PUM1: variants seen among roughly 807,000 people sequenced by gnomAD.
The protein encoded by PUM1 is pumilio RNA binding family member 1, also known as pumilio homolog 1.
Under a neutral mutation model 131.8 loss-of-function variants are expected in PUM1, and 13 were observed. The ratio of observed to expected loss-of-function variants is 0.10; its 90% CI spans 0.06 to 0.16. The LOEUF is 0.16. PUM1 is among the 10% of genes least tolerant of loss of function. The probability of loss-of-function intolerance (pLI) is 1.00; values close to 1 mark genes in which losing one functional copy is unlikely to be tolerated. For missense variants in PUM1, 961 were observed against 1,512.4 expected, an observed-to-expected ratio of 0.64 and a Z score of 6.05; for synonymous variants, 509 against 556.5, an observed-to-expected ratio of 0.91 and a Z score of 1.20.
chr1:31,039,173 T>C (rs1480231951), intron 2 of PUM1, among the ~76,000 whole-genome samples: 11 of 147,484 alleles, frequency 7.5e-5, no homozygotes, highest in Admixed American at 2.7e-4. Flanking sequence ...ACTTTTTAAT[T>C]TTTTTATAGC....
chr1:31,038,920 T>C (rs1214670143), intron 2 of PUM1, among the ~76,000 whole-genome samples: 1 of 137,596 alleles, frequency 7.3e-6, no homozygotes, highest in Non-Finnish European at 1.5e-5. Flanking sequence ...AGCATATACT[T>C]AGAGAATTTA....
intron 1 of PUM1, among the ~76,000 whole-genome samples, chr1:31,060,436 G>A (rs1216306332): frequency 6.6e-6 from 1 of 151,982 alleles, no homozygotes; most frequent in African/African-American, 2.4e-5. Flanking sequence ...ACTCCAACCT[G>A]GGTGACAGAG....
At chr1:31,034,235 T>A (rs986930252) in intron 2 of PUM1, among the ~76,000 whole-genome samples, 1 of 152,226 alleles carries the variant, frequency 6.6e-6, no homozygotes, top group South Asian at 2.1e-4. Flanking sequence ...ACAATGAACG[T>A]CCCTTTACTG....
rs902783264 is a variant in PUM1 at position 30,981,680 on chromosome 1, T to A, written c.1159-275A>T. Among the ~76,000 whole-genome samples, 115 of 150,966 alleles carry A rather than the reference T, an allele frequency of 7.6e-4. 3 individuals carry two copies. In the South Asian group the frequency reaches 0.017, roughly 22 times the overall value. ...CCCTGAACCACAAATACACACTCTC[T>A]CACACACACACACACACATATGAGA... On this transcript the variant is annotated intron_variant, in intron 7 of 21. Coordinates refer to ENST00000426105, the MANE Select transcript of PUM1 (RefSeq NM_001020658.2).
chr1:31,048,933 C>G (rs1385912104), intron 2 of PUM1, among the ~76,000 whole-genome samples: 1 of 152,114 alleles, frequency 6.6e-6, no homozygotes, highest in Non-Finnish European at 1.5e-5. Flanking sequence ...AGGCCGGGCG[C>G]AGTGGCTCAC....
At chr1:31,009,776 A>AAAAAAAAAAAAC (rs1557583866) in intron 3 of PUM1, among the ~76,000 whole-genome samples, 4 of 62,200 alleles carry the variant, frequency 6.4e-5, no homozygotes, top group African/African-American at 4.3e-4. Context: ...TCAAAAAAAA[A>AAAAAAAAAAAAC]AAAAAAAAAA....
intron 9 of PUM1, 101 bp downstream of exon 9, chr1:30,979,961 C>T: frequency 1.3e-6 from 1 of 779,676 alleles, no homozygotes; most frequent in Non-Finnish European, 2.0e-6. Flanking sequence ...GGATAATCTC[C>T]ACTGGAGACA....
chr1:30,934,856 T>C (rs1639134468), intron 21 of PUM1, among the ~76,000 whole-genome samples: 1 of 152,168 alleles, frequency 6.6e-6, no homozygotes, highest in South Asian at 2.1e-4. Context: ...CACACACATG[T>C]TGAACTCCAT....
In PUM1 at chr1:31,048,717, G is replaced by A. The variant is rs1014452663; in HGVS notation, c.363+10487C>T. Among the ~76,000 whole-genome samples the A allele has an allele frequency of 4.0e-5, 6 of 151,488 alleles. No individual in the cohort carries two copies. The South Asian group carries it at 8.4e-4, about 21-fold the overall frequency. On this transcript the variant is annotated intron_variant, in intron 2 of 21. Coordinates refer to ENST00000426105, the MANE Select transcript of PUM1 (RefSeq NM_001020658.2). ...TCTCAATCTCCTGACCTCATGATCC[G>A]CCTGCCTCGGCCTCCCAAAGTGCTG...
chr1:31,019,293 A>G (rs936945803), intron 3 of PUM1, among the ~76,000 whole-genome samples: 7 of 152,248 alleles, frequency 4.6e-5, no homozygotes, highest in Non-Finnish European at 8.8e-5. Context: ...TGGAGGTTGC[A>G]GTGAGCCAAC....
chr1:31,048,267 TAAAAA>T (rs1007857573), intron 2 of PUM1, among the ~76,000 whole-genome samples: 1 of 150,296 alleles, frequency 6.7e-6, no homozygotes, highest in African/African-American at 2.4e-5. Context: ...AAATAAAAAA[TAAAAA>T]AAAGAAATAA....
rs1404413643 is a variant in PUM1, at chr1:30,974,681, G to C, written c.1476C>G (p.Thr492=). 6.2e-7 allele frequency: 1 copy of C among 1,609,556 alleles called. No individual in the cohort carries two copies. The highest frequency in any genetic ancestry group is 8.5e-7 in the Non-Finnish European group (1 of 1,178,586). Reference sequence around the variant, plus strand: ...GCTGTCCTTGCTGAGCCTGTGGGGTGGTCTGTTGATTAGCTGAATTAGTTG... The same window carrying C: ...GCTGTCCTTGCTGAGCCTGTGGGGTCGTCTGTTGATTAGCTGAATTAGTTG... ...AAATNSANQQ[T]TPQAQQGQQQ... The change falls in exon 10 of 22, where the codon ACC becomes ACG. Residue 492 remains threonine (T), a synonymous_variant. Transcript: ENST00000426105.
intron 3 of PUM1, among the ~76,000 whole-genome samples, chr1:31,009,149 C>CTCCA (rs1384536472): frequency 1.3e-5 from 2 of 151,366 alleles, no homozygotes; most frequent in African/African-American, 4.9e-5. Flanking sequence ...TGCCACTGAA[C>CTCCA]TCCAGCCTGG....
chr1:31,051,412 T>G (rs1644107168), intron 2 of PUM1, among the ~76,000 whole-genome samples: 1 of 151,866 alleles, frequency 6.6e-6, no homozygotes, highest in Non-Finnish European at 1.5e-5. Flanking sequence ...CAAGCAATTC[T>G]CCTGCCTCAG....
At chr1:30,939,396 C>T (rs751924989) in intron 20 of PUM1, among the ~76,000 whole-genome samples, 5 of 152,190 alleles carry the variant, frequency 3.3e-5, no homozygotes, top group East Asian at 3.8e-4. Flanking sequence ...TGGGCCCCCC[C>T]GAACCCCTTC....
At chr1:31,041,316 ATCC>A (rs1643805903) in intron 2 of PUM1, among the ~76,000 whole-genome samples, 2 of 151,776 alleles carry the variant, frequency 1.3e-5, no homozygotes, top group Admixed American at 1.3e-4. Context: ...GACTCAAGTG[ATCC>A]TCCCACCTTG....
At chr1:31,017,511 C>G (rs907919218) in intron 3 of PUM1, among the ~76,000 whole-genome samples, 1 of 151,672 alleles carries the variant, frequency 6.6e-6, no homozygotes, top group African/African-American at 2.4e-5. Flanking sequence ...TTTTATTTTG[C>G]GATTTTTTTC....
chr1:30,959,416 T>A (rs1172949510), intron 14 of PUM1, among the ~76,000 whole-genome samples: 1 of 152,132 alleles, frequency 6.6e-6, no homozygotes, highest in East Asian at 1.9e-4. Flanking sequence ...AAGATGTATA[T>A]CTGGAATGCA....
rs746565641 is a variant in PUM1, at chr1:30,966,248, C to A, written c.1820G>T (p.Gly607Val). The A allele has an allele frequency of 6.2e-7, 1 of 1,605,746 alleles. No homozygotes were observed. Among genetic ancestry groups the A allele is most frequent in the Non-Finnish European group, 8.5e-7 (1 of 1,173,950 alleles). Residue 607 changes from glycine (G) to valine (V), a missense_variant, in exon 13 of 22, where the codon GGA becomes GTA. By Grantham distance (109) the Gly-to-Val change is moderately radical. Transcript: ENST00000426105. ...AVAAAAASAN[G>V]AAGGLAGTTN... ...TGTTCCAGCAAGACCACCAGCTGCT[C>A]CATTTGCTGAAGCTGCGGCTGCTGC...
Sources: allele counts gnomAD v4.1 joint callset (sites outside exome capture counted in the v4.1 genomes callset), GRCh38; gene constraint gnomAD v4.1.1; transcripts MANE v1.5; gene names NCBI Gene and HGNC (gene_info 2026-07-23, HGNC 2026-07-21).